Variants in DIAPH2 observed in about 807,000 individuals in gnomAD.
DIAPH2 encodes diaphanous related formin 2.
Under a neutral mutation model 92.7 loss-of-function variants are expected in DIAPH2, and 35 were observed. The ratio of observed to expected loss-of-function variants is 0.38; its 90% confidence interval spans 0.29 to 0.50. The LOEUF (loss-of-function observed/expected upper bound fraction) is 0.50, where lower values mean the gene tolerates loss of function less well. Ranked by LOEUF, DIAPH2 falls within the 20% of genes least tolerant of loss-of-function variation. The pLI, the probability that DIAPH2 is intolerant of heterozygous loss-of-function variation, is 0.94. For synonymous variants in DIAPH2, 301 were observed against 280.4 expected, an observed-to-expected ratio of 1.07 and a Z score of -0.73; for missense variants, 701 against 819.5, an observed-to-expected ratio of 0.86 and a Z score of 1.77.
At chrX:97,540,732 AT>A (rs1237859596) in intron 26 of DIAPH2, among the ~76,000 whole-genome samples, 4 of 112,271 alleles carry the variant, frequency 3.6e-5, no homozygotes, top group African/African-American at 1.3e-4. Flanking sequence ...GTGCTGCAGA[AT>A]GTTAACACTG....
intron 26 of DIAPH2, among the ~76,000 whole-genome samples, chrX:97,587,084 C>G (rs1223066024): frequency 8.9e-6 from 1 of 112,069 alleles, no homozygotes; most frequent in African/African-American, 3.2e-5. Flanking sequence ...AGCACTGTGC[C>G]AGGCACATAG....
intron 26 of DIAPH2, among the ~76,000 whole-genome samples, chrX:97,453,162 C>T (rs2070373133): frequency 9.0e-6 from 1 of 110,734 alleles, no homozygotes; most frequent in Non-Finnish European, 1.9e-5. Context: ...ACTACTTTTC[C>T]ACCTAAATTT....
At chrX:96,958,256 C>A in intron 16 of DIAPH2, 108 bp downstream of exon 16, 2 of 862,449 alleles carry the variant, frequency 2.3e-6, no homozygotes, top group Non-Finnish European at 3.1e-6. Context: ...CTTTCCGTTC[C>A]TTTGTGGGTT....
chrX:97,406,290 G>T (rs1306207128), intron 25 of DIAPH2, among the ~76,000 whole-genome samples: 1 of 111,235 alleles, frequency 9.0e-6, no homozygotes, highest in Non-Finnish European at 1.9e-5. Context: ...GATTTCTCCC[G>T]GTTTGACTCT....
intron 23 of DIAPH2, among the ~76,000 whole-genome samples, chrX:97,330,801 C>G (rs1411603576): frequency 8.9e-6 from 1 of 111,941 alleles, no homozygotes; most frequent in Non-Finnish European, 1.9e-5. Context: ...GTGTGAGCCA[C>G]TGCACCCAGC....
intron 22 of DIAPH2, among the ~76,000 whole-genome samples, chrX:97,226,224 T>C (rs948726809): frequency 8.9e-6 from 1 of 111,968 alleles, no homozygotes; most frequent in Admixed American, 9.5e-5. Context: ...GGAATGTTCC[T>C]TCCACTGTAA....
chrX:97,561,266 A>G (rs1273153632), intron 26 of DIAPH2, among the ~76,000 whole-genome samples: 1 of 112,401 alleles, frequency 8.9e-6, no homozygotes, highest in East Asian at 2.8e-4. Context: ...AGTGATAGAC[A>G]TATGAGTAGG....
intron 22 of DIAPH2, among the ~76,000 whole-genome samples, chrX:97,169,655 G>A: frequency 8.9e-6 from 1 of 111,816 alleles, no homozygotes; most frequent in Non-Finnish European, 1.9e-5. Flanking sequence ...CTTGAGCTCA[G>A]GAGTTTGAGA....
chrX:96,809,250 G>T, intron 4 of DIAPH2, among the ~76,000 whole-genome samples: 1 of 108,314 alleles, frequency 9.2e-6, no homozygotes, highest in Non-Finnish European at 1.9e-5. Flanking sequence ...TTCCAAAAAA[G>T]TAATCTCCCT....
At chrX:97,099,822 A>G (rs2066894692) in intron 20 of DIAPH2, 27 bp downstream of exon 20, 18 of 936,080 alleles carry the variant, frequency 1.9e-5, no homozygotes, top group Non-Finnish European at 2.6e-5. Flanking sequence ...AGGGACCACA[A>G]ACTCAGCTGG....
At chrX:96,846,777 T>C (rs1372825797) in intron 4 of DIAPH2, among the ~76,000 whole-genome samples, 1 of 110,576 alleles carries the variant, frequency 9.0e-6, no homozygotes, top group East Asian at 2.8e-4. Flanking sequence ...TTTTTTTTTT[T>C]TTTTTAAAGA....
intron 26 of DIAPH2, among the ~76,000 whole-genome samples, chrX:97,524,282 C>G (rs926890217): frequency 1.8e-5 from 2 of 111,947 alleles, no homozygotes; most frequent in Non-Finnish European, 3.8e-5. Context: ...CCTGCATGAG[C>G]TATCTGGCTT....
intron 4 of DIAPH2, among the ~76,000 whole-genome samples, chrX:96,865,995 G>C (rs1439566417): frequency 8.9e-6 from 1 of 112,094 alleles, no homozygotes; most frequent in East Asian, 2.8e-4. Context: ...TTAAACAGTG[G>C]TCTTAAGTAG....
rs1333820968 is a variant in DIAPH2, at chrX:96,821,953, C to T, written c.448-59626C>T. Among the ~76,000 whole-genome samples, 6 of 111,997 alleles carry T rather than the reference C, an allele frequency of 5.4e-5. No homozygotes were observed. The East Asian group carries it at 1.7e-3, about 31-fold the overall frequency. ...AAGACATAGTAGCATAAGGCTCCCA[C>T]ATACAAGGCTCACAACAGGCAAAAT... On this transcript the variant is annotated intron_variant, in intron 4 of 26. Transcript: ENST00000324765.
At chrX:97,041,686 G>A (rs748598594) in intron 17 of DIAPH2, among the ~76,000 whole-genome samples, 8 of 111,087 alleles carry the variant, frequency 7.2e-5, no homozygotes, top group African/African-American at 2.6e-4. Flanking sequence ...GGGAAAACAG[G>A]GTTGATTTCT....
In DIAPH2 at chrX:96,811,916, G is replaced by A. The variant is rs190280005; in HGVS notation, c.447+53658G>A. The stretch of plus-strand genomic sequence containing the variant: ...GCTTTTTGATGTGCAGCTGGATTCG[G>A]TTTGCCAGTATTTTATTGAGGATTT... On this transcript the variant is annotated intron_variant, in intron 4 of 26. Coordinates refer to ENST00000324765, the MANE Select transcript of DIAPH2 (RefSeq NM_006729.5). Among the ~76,000 whole-genome samples, 305 of 111,802 alleles carry A rather than the reference G, an allele frequency of 2.7e-3. 2 individuals are homozygous for A. Among genetic ancestry groups the A allele is most frequent in the African/African-American group, 9.6e-3 (294 of 30,771 alleles).
chrX:97,557,267 G>A (rs1473616744), intron 26 of DIAPH2, among the ~76,000 whole-genome samples: 4 of 111,195 alleles, frequency 3.6e-5, no homozygotes, highest in African/African-American at 9.8e-5. Context: ...GGCCAGGCAC[G>A]GTGGCTCACA....
At chrX:97,369,008 A>C (rs1174524576) in intron 24 of DIAPH2, among the ~76,000 whole-genome samples, 3 of 100,207 alleles carry the variant, frequency 3.0e-5, no homozygotes, top group Non-Finnish European at 5.9e-5. Flanking sequence ...CCCAGGTTCA[A>C]GCGATACTCC....
rs752153310 is a variant in DIAPH2 at position 97,352,046 on chromosome X, G to A, written c.3009+3766G>A. 3.6e-5 allele frequency among the ~76,000 whole-genome samples: 4 copies of A among 110,933 alleles called. No homozygotes were observed. In the South Asian group the frequency reaches 1.5e-3, roughly 42 times the overall value. The stretch of plus-strand genomic sequence containing the variant: ...AGATTGGCAAAAATTGTAATCGCCA[G>A]AAGTTCCCATTTTCTTAGTGCTTTG... On this transcript the variant is annotated intron_variant, in intron 24 of 26. Transcript: ENST00000324765.
Sources: allele counts gnomAD v4.1 joint callset (sites outside exome capture counted in the v4.1 genomes callset), GRCh38; gene constraint gnomAD v4.1.1; transcripts MANE v1.5; gene names NCBI Gene and HGNC (gene_info 2026-07-23, HGNC 2026-07-21).